Variants in GRM8 observed in about 807,000 individuals in gnomAD.
GRM8 encodes glutamate metabotropic receptor 8, also known as metabotropic glutamate receptor 8.
GRM8 carries 47 observed loss-of-function variants against 87.2 expected under a neutral mutation model. That is an observed-to-expected ratio of 0.54 (90% CI 0.43 to 0.69). GRM8 has a LOEUF of 0.69. GRM8 is among the 30% of genes least tolerant of loss of function. The pLI, the probability that GRM8 is intolerant of heterozygous loss-of-function variation, is 0.00. For synonymous variants in GRM8, 396 were observed against 404.5 expected, an observed-to-expected ratio of 0.98 and a Z score of 0.25; for missense variants, 1,019 against 1,139.2, an observed-to-expected ratio of 0.89 and a Z score of 1.52.
At chr7:126,963,953 A>C (rs1809575969) in intron 3 of GRM8, among the ~76,000 whole-genome samples, 1 of 152,114 alleles carries the variant, frequency 6.6e-6, no homozygotes, top group Non-Finnish European at 1.5e-5. Context: ...ACATAGTACT[A>C]GTACTAAAAC....
At chr7:127,008,672 T>C (rs1431701693) in intron 3 of GRM8, among the ~76,000 whole-genome samples, 1 of 152,098 alleles carries the variant, frequency 6.6e-6, no homozygotes, top group Non-Finnish European at 1.5e-5. Flanking sequence ...TCTGTTATTT[T>C]TAAGTCAATT....
chr7:126,555,963 T>C (rs1793091090), intron 8 of GRM8, among the ~76,000 whole-genome samples: 1 of 152,192 alleles, frequency 6.6e-6, no homozygotes, highest in African/African-American at 2.4e-5. Context: ...TGACTATCTC[T>C]ACAAAGCACC....
chr7:126,986,675 G>A (rs1376479143), intron 3 of GRM8, among the ~76,000 whole-genome samples: 2 of 152,044 alleles, frequency 1.3e-5, no homozygotes, highest in Non-Finnish European at 2.9e-5. Flanking sequence ...CTCAGTAGAG[G>A]AGACTAGATC....
chr7:126,605,746 T>C (rs1238882812), intron 8 of GRM8, among the ~76,000 whole-genome samples: 2 of 152,154 alleles, frequency 1.3e-5, no homozygotes, highest in Non-Finnish European at 2.9e-5. Context: ...AGAGATACAG[T>C]ATATGGATAA....
At chr7:126,537,713 C>A (rs1220840270) in intron 8 of GRM8, among the ~76,000 whole-genome samples, 2 of 151,870 alleles carry the variant, frequency 1.3e-5, no homozygotes, top group African/African-American at 4.8e-5. Flanking sequence ...GGAGGCGGAG[C>A]TTGCAGTAAG....
rs866453946 is a variant in GRM8, at chr7:126,580,977, C to A, written c.1494+28385G>T. Reference sequence around the variant, plus strand: ...GGTCTTAAAAAAATAGAAAAAAAAACAATTATCCTAACATTCCCTAAACTT... The same window carrying A: ...GGTCTTAAAAAAATAGAAAAAAAAAAAATTATCCTAACATTCCCTAAACTT... On this transcript the variant is annotated intron_variant, in intron 8 of 10. Transcript: ENST00000339582. Among the ~76,000 whole-genome samples the A allele has an allele frequency of 1.2e-4, 18 of 145,734 alleles. 1 individual carries two copies. Among genetic ancestry groups the A allele is most frequent in the African/African-American group, 4.4e-4 (18 of 40,474 alleles).
intron 8 of GRM8, among the ~76,000 whole-genome samples, chr7:126,592,426 T>G (rs1171947362): frequency 1.3e-5 from 2 of 151,982 alleles, no homozygotes; most frequent in African/African-American, 4.8e-5. Context: ...GAAAAAGATC[T>G]TCAGCATTAT....
At chr7:127,247,441 A>G (rs1036293041) in intron 1 of GRM8, among the ~76,000 whole-genome samples, 3 of 152,268 alleles carry the variant, frequency 2.0e-5, no homozygotes, top group African/African-American at 7.2e-5. Flanking sequence ...CATTCCATTC[A>G]GCTCTTTAAC....
At position 126,678,664 on chromosome 7, in the gene GRM8, G is replaced by A. The variant is rs142462326; in HGVS notation, c.1358-69166C>T. Among the ~76,000 whole-genome samples, 12 of 152,260 alleles carry A rather than the reference G, an allele frequency of 7.9e-5. No homozygotes were observed. The East Asian group carries it at 2.3e-3, about 29-fold the overall frequency. ...TTTGTAAACAGTTTTCCATTAAGTG[G>A]TACTCAGCTGCCTGGAGGACCCATC... On this transcript the variant is annotated intron_variant, in intron 7 of 10. Coordinates refer to ENST00000339582, the MANE Select transcript of GRM8 (RefSeq NM_000845.3).
At chr7:127,152,629 A>G (rs1316304240) in intron 2 of GRM8, among the ~76,000 whole-genome samples, 1 of 152,120 alleles carries the variant, frequency 6.6e-6, no homozygotes, top group Non-Finnish European at 1.5e-5. Flanking sequence ...ATCCCAGGGG[A>G]AGGTCAGCCT....
intron 3 of GRM8, among the ~76,000 whole-genome samples, chr7:127,057,602 T>C (rs1213167951): frequency 6.6e-6 from 1 of 152,218 alleles, no homozygotes; most frequent in Non-Finnish European, 1.5e-5. Context: ...AACATATCTC[T>C]ATTATTAAAA....
At chr7:126,495,449 G>C (rs1219716953) in intron 9 of GRM8, among the ~76,000 whole-genome samples, 1 of 151,972 alleles carries the variant, frequency 6.6e-6, no homozygotes, top group Non-Finnish European at 1.5e-5. Flanking sequence ...GAAAAGATGT[G>C]ACACATCCAG....
At chr7:126,594,212 T>C (rs564704114) in intron 8 of GRM8, among the ~76,000 whole-genome samples, 2 of 152,140 alleles carry the variant, frequency 1.3e-5, no homozygotes, top group South Asian at 4.1e-4. Context: ...AGAAATACCA[T>C]ATGATCTGGC....
intron 2 of GRM8, among the ~76,000 whole-genome samples, chr7:127,159,815 G>A (rs1346456256): frequency 2.0e-5 from 3 of 151,742 alleles, no homozygotes; most frequent in Admixed American, 6.6e-5. Context: ...TTAAATTACA[G>A]CATCCTAAAA....
At chr7:126,442,436 T>C (rs979148504) in intron 10 of GRM8, among the ~76,000 whole-genome samples, 1 of 152,066 alleles carries the variant, frequency 6.6e-6, no homozygotes, top group Non-Finnish European at 1.5e-5. Context: ...AGGACTTTCA[T>C]ATAATCTTCA....
Position 126,770,084 on chromosome 7 carries a change from A to C in GRM8, c.1157-19T>G, listed in dbSNP as rs1472135844. The C allele has an allele frequency of 1.9e-6, 3 of 1,563,084 alleles. No individual in the cohort carries two copies. The highest frequency in any genetic ancestry group is 2.6e-6 in the Non-Finnish European group (3 of 1,139,686). ...TCCAGCCCTGCAAAATAAAAAAGTA[A>C]AAACCATCAGTTGATGTTAGATTCC... On this transcript the variant is annotated intron_variant, in intron 6 of 10. Transcript: ENST00000339582.
chr7:127,014,258 C>T (rs566028950), intron 3 of GRM8, among the ~76,000 whole-genome samples: 108 of 152,160 alleles, frequency 7.1e-4, no homozygotes, highest in Non-Finnish European at 1.4e-3. Flanking sequence ...AGCACACCAT[C>T]GCTGCCTTTT....
chr7:126,578,596 C>G (rs545186086), intron 8 of GRM8, among the ~76,000 whole-genome samples: 1 of 152,196 alleles, frequency 6.6e-6, no homozygotes, highest in East Asian at 1.9e-4. Context: ...GGGGCAGCCA[C>G]TAAGGGAGCA....
intron 8 of GRM8, among the ~76,000 whole-genome samples, chr7:126,535,001 AC>A (rs1815461115): frequency 6.6e-6 from 1 of 152,174 alleles, no homozygotes; most frequent in Non-Finnish European, 1.5e-5. Context: ...GCTTGGAAGT[AC>A]TGGGATATGG....
Sources: gnomAD v4.1 joint callset for allele counts (sites outside exome capture counted in the v4.1 genomes callset) on GRCh38, gnomAD v4.1.1 for gene constraint, MANE v1.5 for transcripts, NCBI Gene and HGNC (gene_info 2026-07-23, HGNC 2026-07-21) for gene names.